MAML2: variants seen among roughly 807,000 people sequenced by gnomAD.
MAML2 encodes mastermind-like protein 2.
In MAML2, 22 loss-of-function variants were observed where a neutral mutation model predicts 96.1. That is an observed-to-expected ratio of 0.23 (90% CI 0.16 to 0.33). MAML2 has a LOEUF of 0.33. MAML2 is among the 10% of genes least tolerant of loss of function. The probability of loss-of-function intolerance (pLI) is 1.00; values close to 1 mark genes in which losing one functional copy is unlikely to be tolerated. For missense variants in MAML2, 1,367 were observed against 1,392.4 expected (o/e 0.98, Z 0.29); for synonymous variants, 561 against 521.3 (o/e 1.08, Z -1.04).
intron 1 of MAML2, among the ~76,000 whole-genome samples, chr11:96,202,732 A>T (rs1312093923): frequency 6.6e-6 from 1 of 151,662 alleles, no homozygotes. Context: ...GGTTCAAGCG[A>T]TTCTCCTGTC....
intron 1 of MAML2, among the ~76,000 whole-genome samples, chr11:96,199,238 T>C (rs925005482): frequency 4.7e-5 from 7 of 149,874 alleles, no homozygotes; most frequent in Non-Finnish European, 8.9e-5. Flanking sequence ...GGGTAGTCCT[T>C]GTTGCTGTTG....
At chr11:96,010,994 G>C (rs2135727678) in intron 2 of MAML2, among the ~76,000 whole-genome samples, 1 of 151,996 alleles carries the variant, frequency 6.6e-6, no homozygotes, top group Non-Finnish European at 1.5e-5. Flanking sequence ...ATATTTTATT[G>C]CAGTAAAATA....
At chr11:96,013,040 T>C (rs1858289183) in intron 2 of MAML2, among the ~76,000 whole-genome samples, 1 of 152,188 alleles carries the variant, frequency 6.6e-6, no homozygotes, top group African/African-American at 2.4e-5. Context: ...TTTTATTTTC[T>C]CTCTTTCAAC....
intron 2 of MAML2, among the ~76,000 whole-genome samples, chr11:96,040,467 A>C (rs922022006): frequency 2.6e-5 from 4 of 152,148 alleles, no homozygotes; most frequent in Non-Finnish European, 4.4e-5. Context: ...CATTACCAAC[A>C]GTCTAAAAAA....
At chr11:96,049,904 T>A (rs1478093310) in intron 2 of MAML2, among the ~76,000 whole-genome samples, 2 of 152,186 alleles carry the variant, frequency 1.3e-5, no homozygotes, top group Admixed American at 6.5e-5. Flanking sequence ...ATGTTTATTA[T>A]CATTAATAAT....
At chr11:96,197,490 A>C (rs1861748976) in intron 1 of MAML2, among the ~76,000 whole-genome samples, 1 of 152,216 alleles carries the variant, frequency 6.6e-6, no homozygotes, top group African/African-American at 2.4e-5. Flanking sequence ...CTGCCACTCC[A>C]GAAAAAATAT....
intron 1 of MAML2, among the ~76,000 whole-genome samples, chr11:96,303,300 G>A (rs968986723): frequency 1.3e-5 from 2 of 152,154 alleles, no homozygotes; most frequent in African/African-American, 4.8e-5. Flanking sequence ...CTTTATGGAA[G>A]TATAATTTAC....
intron 1 of MAML2, among the ~76,000 whole-genome samples, chr11:96,288,963 A>G (rs1214509271): frequency 6.6e-6 from 1 of 152,180 alleles, no homozygotes; most frequent in African/African-American, 2.4e-5. Context: ...TATTTTTCCA[A>G]TTACATGGCT....
rs747442624 is a variant in MAML2 at position 96,182,125 on chromosome 11, G to C, written c.514-88608C>G. 3.3e-5 allele frequency among the ~76,000 whole-genome samples: 5 copies of C among 152,238 alleles called. No individual in the cohort carries two copies. In the South Asian group the frequency reaches 1.0e-3, roughly 32 times the overall value. On this transcript the variant is annotated intron_variant, in intron 1 of 4. Coordinates refer to ENST00000524717, the MANE Select transcript of MAML2 (RefSeq NM_032427.4). ...TGAAGTTTCTTGTGTGATTCTCTGCGTGCCTCCGTTTTAATTTCTATAAAA... is the reference window on the plus strand; with the variant it reads ...TGAAGTTTCTTGTGTGATTCTCTGCCTGCCTCCGTTTTAATTTCTATAAAA...
At chr11:96,131,995 G>T (rs1368645695) in intron 1 of MAML2, among the ~76,000 whole-genome samples, 1 of 152,192 alleles carries the variant, frequency 6.6e-6, no homozygotes, top group African/African-American at 2.4e-5. Context: ...GGGCAACAGA[G>T]TGAGACTCTG....
intron 2 of MAML2, among the ~76,000 whole-genome samples, chr11:96,070,756 C>T (rs566063045): frequency 7.2e-5 from 11 of 152,336 alleles, no homozygotes; most frequent in East Asian, 3.9e-4. Context: ...CCCAGTGGGC[C>T]GAACAAAACT....
intron 2 of MAML2, among the ~76,000 whole-genome samples, chr11:96,049,852 T>G (rs1858963034): frequency 6.6e-6 from 1 of 152,208 alleles, no homozygotes; most frequent in Non-Finnish European, 1.5e-5. Context: ...CTTGGGAGTT[T>G]AGTGGTTCTC....
chr11:96,000,549 C>T (rs1046533490), intron 2 of MAML2, among the ~76,000 whole-genome samples: 3 of 152,204 alleles, frequency 2.0e-5, no homozygotes, highest in African/African-American at 7.2e-5. Flanking sequence ...TGGTCTTTCA[C>T]ATTAAATTTT....
intron 1 of MAML2, among the ~76,000 whole-genome samples, chr11:96,128,400 G>GA (rs1156901435): frequency 8.0e-4 from 120 of 150,494 alleles, no homozygotes; most frequent in African/African-American, 2.5e-3. Context: ...TCAGTCTCGG[G>GA]AAAAAAAAAT....
intron 2 of MAML2, among the ~76,000 whole-genome samples, chr11:96,002,959 G>A (rs867578581): frequency 4.7e-5 from 7 of 150,190 alleles, no homozygotes; most frequent in African/African-American, 9.8e-5. Flanking sequence ...GGATGATGGC[G>A]ATGATGAAGA....
intron 1 of MAML2, among the ~76,000 whole-genome samples, chr11:96,186,407 T>C (rs1413684112): frequency 6.6e-6 from 1 of 152,152 alleles, no homozygotes; most frequent in Non-Finnish European, 1.5e-5. Context: ...CTGACCAACA[T>C]GGAGAAACCT....
chr11:96,201,028 G>C (rs1861813698), intron 1 of MAML2, among the ~76,000 whole-genome samples: 1 of 151,924 alleles, frequency 6.6e-6, no homozygotes. Context: ...GGAAAAAAAA[G>C]CTTCTGTTTT....
At chr11:96,210,825 A>G (rs1241108320) in intron 1 of MAML2, among the ~76,000 whole-genome samples, 1 of 152,224 alleles carries the variant, frequency 6.6e-6, no homozygotes, top group Non-Finnish European at 1.5e-5. Flanking sequence ...TATAAAACCA[A>G]TATATAGATA....
At chr11:96,325,163 C>T (rs1358925550) in intron 1 of MAML2, among the ~76,000 whole-genome samples, 1 of 151,950 alleles carries the variant, frequency 6.6e-6, no homozygotes, top group Non-Finnish European at 1.5e-5. Flanking sequence ...GAGCTGAAGA[C>T]ATTCAACGTC....
Sources: allele counts gnomAD v4.1 joint callset (sites outside exome capture counted in the v4.1 genomes callset), GRCh38; gene constraint gnomAD v4.1.1; transcripts MANE v1.5; gene names NCBI Gene and HGNC (gene_info 2026-07-23, HGNC 2026-07-21).